ADGRG4: variants seen among roughly 807,000 people sequenced by gnomAD.
ADGRG4 encodes adhesion G protein-coupled receptor G4, also known as G protein-coupled receptor 112.
A neutral mutation model predicts 126.2 loss-of-function variants in ADGRG4; 122 were observed. That is an observed-to-expected ratio of 0.97 (90% confidence interval 0.83 to 1.12). ADGRG4 has a LOEUF of 1.12. Ranked by LOEUF, ADGRG4 falls within the 50% of genes most tolerant of loss-of-function variation. The pLI is 0.00. For synonymous variants in ADGRG4, 943 were observed against 838.7 expected (o/e 1.12, Z -2.15); for missense variants, 2,481 against 2,251.8 (o/e 1.10, Z -2.06).
At chrX:136,414,063 G>A (rs1331750359) in intron 24 of ADGRG4, 97 bp from the exon 25 acceptor site, 1 of 741,765 alleles carries the variant, frequency 1.3e-6, no homozygotes, top group Non-Finnish European at 1.9e-6. Context: ...TTTTAAACCA[G>A]GTTATTGAAG....
At chrX:136,328,858 C>G (rs1423366254) in intron 5 of ADGRG4, among the ~76,000 whole-genome samples, 1 of 111,047 alleles carries the variant, frequency 9.0e-6, no homozygotes, top group African/African-American at 3.3e-5. Context: ...TCTGTGCTAC[C>G]CTCCTTCCTC....
At chrX:136,319,728 T>TATCTATCTATC (rs1556649884) in intron 4 of ADGRG4, among the ~76,000 whole-genome samples, 3 of 109,697 alleles carry the variant, frequency 2.7e-5, no homozygotes, top group South Asian at 4.0e-4. Flanking sequence ...TCTATCTATC[T>TATCTATCTATC]ATCTATCTAT....
chrX:136,338,679 T>C (rs1193180232), intron 5 of ADGRG4, among the ~76,000 whole-genome samples: 4 of 112,213 alleles, frequency 3.6e-5, no homozygotes, highest in Admixed American at 9.4e-5. Flanking sequence ...GTCAGATAAT[T>C]CCAGTGTCTA....
chrX:136,337,221 G>C (rs1483939153), intron 5 of ADGRG4, among the ~76,000 whole-genome samples: 4 of 111,505 alleles, frequency 3.6e-5, no homozygotes, highest in Non-Finnish European at 1.9e-5. Context: ...TTCCTGCTTT[G>C]ACCTCCCAAA....
intron 4 of ADGRG4, among the ~76,000 whole-genome samples, chrX:136,318,498 T>C (rs1241916117): frequency 8.9e-6 from 1 of 111,966 alleles, no homozygotes; most frequent in East Asian, 2.8e-4. Flanking sequence ...TAAATACCAC[T>C]GAATAGTAGA....
Position 136,323,113 on chromosome X carries a change from T to C in ADGRG4, c.406T>C (p.Phe136Leu), listed in dbSNP as rs776002864. ...WDGVKGKLEL[F>L]LNKERILEVT... ...TGGTGTGAAGGGCAAATTAGAACTC[T>C]TCCTGAATAAAGAAAGGATACTGGA... The change falls in exon 5 of 26, where the codon TTC becomes CTC. Residue 136 changes from phenylalanine to leucine, a missense_variant. Coordinates refer to ENST00000394143, the MANE Select transcript of ADGRG4 (RefSeq NM_153834.4). 2.5e-6 allele frequency: 3 copies of C among 1,211,686 alleles called. No homozygotes were observed. Among genetic ancestry groups the C allele is most frequent in the Admixed American group, 2.2e-5 (1 of 46,024 alleles).
chrX:136,394,277 T>C (rs1164229184), intron 18 of ADGRG4, among the ~76,000 whole-genome samples: 3 of 112,015 alleles, frequency 2.7e-5, no homozygotes, highest in Non-Finnish European at 5.6e-5. Flanking sequence ...ACTGGGTTGC[T>C]CTTAGCATTG....
intron 15 of ADGRG4, among the ~76,000 whole-genome samples, chrX:136,384,881 T>C (rs978798621): frequency 3.6e-5 from 4 of 111,628 alleles, no homozygotes; most frequent in African/African-American, 1.3e-4. Flanking sequence ...TTGACTATTA[T>C]ATGCCTGGGC....
chrX:136,399,154 C>G (rs1009827424), intron 20 of ADGRG4, among the ~76,000 whole-genome samples: 1 of 111,203 alleles, frequency 9.0e-6, no homozygotes, highest in African/African-American at 3.3e-5. Flanking sequence ...CATGAAGGAG[C>G]CTTCTGGGAT....
At position 136,414,240 on chromosome X, in the gene ADGRG4, C is replaced by A; in HGVS notation, c.9118C>A (p.Pro3040Thr). Residue 3040 changes from proline to threonine, a missense_variant, in exon 25 of 26, where the codon CCA becomes ACA. Physicochemically the swap from Pro to Thr is conservative, Grantham distance 38. Transcript: ENST00000394143. ...AATCTTTGAGCACAAACTGTTGACG[C>A]CATCTCTCAAGTCAACTGCAACTAG... ...KKIFEHKLLT[P>T]SLKSTATSST... 2.5e-6 allele frequency: 3 copies of A among 1,202,007 alleles called. No individual in the cohort carries two copies. Among genetic ancestry groups the A allele is most frequent in the South Asian group, 3.5e-5 (2 of 56,395 alleles).
At chrX:136,413,220 C>T (rs910093686) in intron 24 of ADGRG4, among the ~76,000 whole-genome samples, 6 of 106,712 alleles carry the variant, frequency 5.6e-5, no homozygotes, top group African/African-American at 1.7e-4. Context: ...GTATATCTCC[C>T]GATGCTATCC....
intron 4 of ADGRG4, among the ~76,000 whole-genome samples, chrX:136,318,600 C>A (rs2074820008): frequency 9.0e-6 from 1 of 111,421 alleles, no homozygotes; most frequent in Non-Finnish European, 1.9e-5. Context: ...TAGTAACAGC[C>A]ATTTAAGTGA....
At chrX:136,413,243 C>T (rs1337768833) in intron 24 of ADGRG4, among the ~76,000 whole-genome samples, 29 of 101,502 alleles carry the variant, frequency 2.9e-4, no homozygotes, top group Admixed American at 1.1e-3. Flanking sequence ...CCCCCCTCCC[C>T]GCACCCCACA....
At chrX:136,410,902 A>G (rs1292943306) in intron 23 of ADGRG4, among the ~76,000 whole-genome samples, 2 of 112,063 alleles carry the variant, frequency 1.8e-5, no homozygotes, top group Admixed American at 1.9e-4. Context: ...AAGTGGGAAA[A>G]ATGAGTTTCA....
At chrX:136,325,701 C>G (rs1286165804) in intron 5 of ADGRG4, among the ~76,000 whole-genome samples, 1 of 97,869 alleles carries the variant, frequency 1.0e-5, no homozygotes, top group Non-Finnish European at 2.0e-5. Flanking sequence ...TTATTTTGCT[C>G]TTTTGTACAC....
chrX:136,301,076 A>T (rs2074696151), intron 1 of ADGRG4, 76 bp downstream of exon 1: 1 of 112,383 alleles, frequency 8.9e-6, no homozygotes, highest in African/African-American at 3.2e-5. Flanking sequence ...TAGCAGCATG[A>T]TTTATAATCC....
chrX:136,347,947 C>G lies in ADGRG4; in HGVS notation c.4241C>G (p.Ser1414Ter). Residue 1414 changes from serine to a stop codon, truncating the protein, a stop_gained, in exon 6 of 26, where the codon TCA becomes TGA. Coordinates refer to ENST00000394143, the MANE Select transcript of ADGRG4 (RefSeq NM_153834.4). LOFTEE classifies it high-confidence loss of function. The part of the protein sequence containing the change: ...THSVSYGQDT[S>*]FVDTTTSSST... Reference sequence around the variant, plus strand: ...TCTGTCTCATATGGCCAGGATACTTCATTTGTAGATACCACAACTTCCAGC... The same window carrying G: ...TCTGTCTCATATGGCCAGGATACTTGATTTGTAGATACCACAACTTCCAGC... The G allele has an allele frequency of 8.3e-7, 1 of 1,207,827 alleles. No homozygotes were observed. The highest frequency in any genetic ancestry group is 3.0e-5 in the East Asian group (1 of 33,824).
chrX:136,364,128 C>A (rs147441333), intron 13 of ADGRG4, among the ~76,000 whole-genome samples: 57 of 110,808 alleles, frequency 5.1e-4, no homozygotes, highest in Admixed American at 5.8e-4. Flanking sequence ...ACTTTTTCGG[C>A]TAATTATTGT....
At chrX:136,400,510 G>A (rs111953155) in intron 21 of ADGRG4, among the ~76,000 whole-genome samples, 4 of 111,882 alleles carry the variant, frequency 3.6e-5, no homozygotes, top group African/African-American at 6.5e-5. Context: ...ATATCTCCAC[G>A]GGATAGATTC....
Sources: allele counts gnomAD v4.1 joint callset (sites outside exome capture counted in the v4.1 genomes callset), GRCh38; gene constraint gnomAD v4.1.1; transcripts MANE v1.5; gene names NCBI Gene and HGNC (gene_info 2026-07-23, HGNC 2026-07-21).